GPHN: variants seen among roughly 807,000 people sequenced by gnomAD.
GPHN encodes the protein gephyrin.
A neutral mutation model predicts 95.5 loss-of-function variants in GPHN; 17 were observed. That is an observed-to-expected ratio of 0.18 (90% CI 0.12 to 0.27). The LOEUF (loss-of-function observed/expected upper bound fraction) is 0.27. GPHN is among the 10% of genes least tolerant of loss of function. The pLI, the probability that GPHN is intolerant of heterozygous loss-of-function variation, is 1.00. For missense variants in GPHN, 660 were observed against 978.1 expected (o/e 0.67, Z 4.34); for synonymous variants, 320 against 322.5 (o/e 0.99, Z 0.08).
At chr14:67,646,590 T>C in the GPHN span, 1 of 1,419,404 alleles carries the variant, frequency 7.0e-7, no homozygotes, top group Admixed American at 1.7e-5. Flanking sequence ...ATGATAATGA[T>C]CTTGGTGAGA....
intron 1 of GPHN, among the ~76,000 whole-genome samples, chr14:66,629,242 A>T (rs1258908535): frequency 1.3e-3 from 158 of 120,292 alleles, no homozygotes; most frequent in East Asian, 4.3e-3. Flanking sequence ...TATAAATATA[A>T]AACACACGTG....
At chr14:67,615,630 G>T in the GPHN span, 1 of 553,282 alleles carries the variant, frequency 1.8e-6, no homozygotes, top group Non-Finnish European at 3.5e-6. Flanking sequence ...TAGTGAGGGG[G>T]AAGACCATGT....
chr14:66,945,909 A>T (rs890033813), intron 8 of GPHN, among the ~76,000 whole-genome samples: 1 of 152,160 alleles, frequency 6.6e-6, no homozygotes, highest in Non-Finnish European at 1.5e-5. Flanking sequence ...TAAAGAACAA[A>T]CTTTTGTGAT....
chr14:67,009,524 T>G (rs975542804), intron 9 of GPHN, among the ~76,000 whole-genome samples: 3 of 152,112 alleles, frequency 2.0e-5, no homozygotes, highest in Non-Finnish European at 4.4e-5. Context: ...TACAGACTTG[T>G]GAATCTAGTT....
At position 66,596,764 on chromosome 14, in the gene GPHN, AGCCACAGCTTGACG is replaced by A. The variant is rs551784187; in HGVS notation, c.65-84340_65-84327del. Among the ~76,000 whole-genome samples the A allele has an allele frequency of 1.1e-3, 170 of 152,278 alleles. 1 individual carries two copies. The highest frequency in any genetic ancestry group is 0.011 in the South Asian group (52 of 4,822). On this transcript the variant is annotated intron_variant, in intron 1 of 22. Transcript: ENST00000478722. The stretch of plus-strand genomic sequence containing the variant: ...AGAGTGTAGAGATGCCCGGGTTTGC[AGCCACAGCTTGACG>A]GCTACAACTGCGCCCGGGGGGCGGG...
chr14:67,024,553 T>G (rs1298891192), intron 10 of GPHN, among the ~76,000 whole-genome samples: 3 of 152,240 alleles, frequency 2.0e-5, no homozygotes, highest in Non-Finnish European at 4.4e-5. Context: ...GTTATACTCC[T>G]GGTTATGCTT....
chr14:67,432,196 T>A, the GPHN span, among the ~76,000 whole-genome samples: 9 of 152,214 alleles, frequency 5.9e-5, no homozygotes, highest in East Asian at 1.7e-3. Context: ...ATGTTGGCCC[T>A]AAATCATTAT....
At chr14:67,253,773 C>T in the GPHN span, among the ~76,000 whole-genome samples, 2 of 151,160 alleles carry the variant, frequency 1.3e-5, no homozygotes. Context: ...CCCAGAAAGT[C>T]AAGGCTGTGG....
chr14:67,350,799 T>C, the GPHN span: 2 of 1,042,610 alleles, frequency 1.9e-6, no homozygotes, highest in Non-Finnish European at 2.8e-6. Flanking sequence ...TGGCTGTGCA[T>C]GTAAATATTG....
At chr14:67,075,260 T>C (rs2153659642) in intron 11 of GPHN, among the ~76,000 whole-genome samples, 1 of 152,328 alleles carries the variant, frequency 6.6e-6, no homozygotes, top group Non-Finnish European at 1.5e-5. Context: ...GCTTGGATGA[T>C]AGTACATCTT....
At chr14:67,248,365 A>AT in the GPHN span, among the ~76,000 whole-genome samples, 1 of 152,102 alleles carries the variant, frequency 6.6e-6, no homozygotes, top group Non-Finnish European at 1.5e-5. Flanking sequence ...TAAAAAAAAA[A>AT]GGAAACCAAA....
At chr14:66,521,907 T>C (rs2058499151) in intron 1 of GPHN, among the ~76,000 whole-genome samples, 4 of 152,160 alleles carry the variant, frequency 2.6e-5, no homozygotes, top group Non-Finnish European at 5.9e-5. Context: ...CAGACAACTT[T>C]TTTTTTAGAG....
chr14:66,705,154 G>A (rs554397070), intron 2 of GPHN, among the ~76,000 whole-genome samples: 6 of 152,334 alleles, frequency 3.9e-5, no homozygotes, highest in Non-Finnish European at 8.8e-5. Context: ...AACAAGTTCT[G>A]AAATTGAGGC....
At chr14:66,890,948 T>C (rs1381546529) in intron 5 of GPHN, among the ~76,000 whole-genome samples, 1 of 152,000 alleles carries the variant, frequency 6.6e-6, no homozygotes, top group Non-Finnish European at 1.5e-5. Flanking sequence ...AAAAAGGCCT[T>C]ATGTAAAAAA....
intron 5 of GPHN, among the ~76,000 whole-genome samples, chr14:66,912,877 G>T (rs2065737086): frequency 6.6e-6 from 1 of 152,148 alleles, no homozygotes; most frequent in African/African-American, 2.4e-5. Context: ...AAGGATTAAA[G>T]AAGTTTAGTA....
intron 1 of GPHN, among the ~76,000 whole-genome samples, chr14:66,665,583 T>C (rs2065904546): frequency 6.6e-6 from 1 of 152,122 alleles, no homozygotes; most frequent in Non-Finnish European, 1.5e-5. Flanking sequence ...TGGCGATCAT[T>C]AAAGAGTCAG....
intron 1 of GPHN, among the ~76,000 whole-genome samples, chr14:66,625,009 G>C (rs1445293024): frequency 6.6e-6 from 1 of 152,156 alleles, no homozygotes; most frequent in Non-Finnish European, 1.5e-5. Context: ...TTTACAATTA[G>C]TCTGAATGGA....
At chr14:66,850,143 T>A (rs2062517898) in intron 4 of GPHN, among the ~76,000 whole-genome samples, 1 of 152,148 alleles carries the variant, frequency 6.6e-6, no homozygotes, top group African/African-American at 2.4e-5. Flanking sequence ...TTCAGTAATG[T>A]AGAATTAATG....
At chr14:67,154,259 C>A (rs1256396190) in intron 18 of GPHN, among the ~76,000 whole-genome samples, 1 of 152,234 alleles carries the variant, frequency 6.6e-6, no homozygotes, top group Non-Finnish European at 1.5e-5. Context: ...ATGCTTGAAT[C>A]CTTCTTATCC....
Sources: allele counts gnomAD v4.1 joint callset (sites outside exome capture counted in the v4.1 genomes callset), GRCh38; gene constraint gnomAD v4.1.1; transcripts MANE v1.5; gene names NCBI Gene and HGNC (gene_info 2026-07-23, HGNC 2026-07-21).